Variants in NDUFS4 observed in about 807,000 individuals in gnomAD.
NDUFS4 encodes the protein NADH:ubiquinone oxidoreductase subunit S4.
Under a neutral mutation model 24.3 loss-of-function variants are expected in NDUFS4, and 28 were observed. The ratio of observed to expected loss-of-function variants is 1.15; its 90% CI spans 0.85 to 1.58. NDUFS4 has a LOEUF of 1.58. NDUFS4 is among the 40% of genes most tolerant of loss of function. NDUFS4 has a pLI of 0.00. For missense variants in NDUFS4, 223 were observed against 207.9 expected (o/e 1.07, Z -0.45); for synonymous variants, 93 against 69.7 (o/e 1.34, Z -1.67).
At chr5:53,605,791 G>C (rs1467038165) in intron 2 of NDUFS4, among the ~76,000 whole-genome samples, 1 of 152,052 alleles carries the variant, frequency 6.6e-6, no homozygotes. Context: ...GAGGCGGGCA[G>C]ATCACAAGGT....
intron 1 of NDUFS4, among the ~76,000 whole-genome samples, chr5:53,571,093 A>T (rs950377507): frequency 6.6e-6 from 1 of 152,166 alleles, no homozygotes; most frequent in Non-Finnish European, 1.5e-5. Context: ...AAATTTACTC[A>T]TATAAAGTAT....
intron 1 of NDUFS4, among the ~76,000 whole-genome samples, chr5:53,570,269 T>C (rs897363274): frequency 6.6e-6 from 1 of 152,192 alleles, no homozygotes; most frequent in African/African-American, 2.4e-5. Flanking sequence ...GTAATATAAA[T>C]GTAGTCATAT....
At chr5:53,572,873 C>T (rs537777797) in intron 1 of NDUFS4, among the ~76,000 whole-genome samples, 1 of 151,058 alleles carries the variant, frequency 6.6e-6, no homozygotes, top group Non-Finnish European at 1.5e-5. Flanking sequence ...CTCGAACTCC[C>T]GACCTCGTGA....
chr5:53,653,838 T>C (rs1752087730), intron 3 of NDUFS4, among the ~76,000 whole-genome samples: 1 of 152,200 alleles, frequency 6.6e-6, no homozygotes, highest in Admixed American at 6.5e-5. Context: ...TTTAGTTTTA[T>C]CACTATTTCA....
chr5:53,612,340 G>C (rs1750720249), intron 2 of NDUFS4, among the ~76,000 whole-genome samples: 1 of 151,986 alleles, frequency 6.6e-6, no homozygotes. Context: ...TACAAAGGTA[G>C]TATAGTTAGT....
At chr5:53,682,404 A>G (rs1004044414) in intron 4 of NDUFS4, among the ~76,000 whole-genome samples, 1 of 151,978 alleles carries the variant, frequency 6.6e-6, no homozygotes, top group Non-Finnish European at 1.5e-5. Flanking sequence ...ATCTCCTGGA[A>G]TTGATAAAGT....
At chr5:53,674,118 T>C (rs1300687013) in intron 4 of NDUFS4, among the ~76,000 whole-genome samples, 1 of 152,220 alleles carries the variant, frequency 6.6e-6, no homozygotes, top group Non-Finnish European at 1.5e-5. Flanking sequence ...TACAGGACGC[T>C]TTAGAAATGA....
chr5:53,584,543 T>C (rs945026506), intron 1 of NDUFS4, among the ~76,000 whole-genome samples: 23 of 152,066 alleles, frequency 1.5e-4, no homozygotes, highest in African/African-American at 5.1e-4. Context: ...TTACACCTTG[T>C]TGGCCAGGCT....
intron 1 of NDUFS4, among the ~76,000 whole-genome samples, chr5:53,561,860 T>C (rs1748857059): frequency 6.6e-6 from 1 of 152,144 alleles, no homozygotes; most frequent in African/African-American, 2.4e-5. Context: ...GGTCCGTGGC[T>C]TATGAAAAGG....
chr5:53,577,745 C>T (rs935077354), intron 1 of NDUFS4, among the ~76,000 whole-genome samples: 9 of 152,242 alleles, frequency 5.9e-5, no homozygotes, highest in African/African-American at 2.2e-4. Flanking sequence ...ACTCACTTAA[C>T]TATAAATAAT....
Position 53,560,682 on chromosome 5 carries a change from C to G in NDUFS4, c.20C>G (p.Ser7Ter). 1 of 1,614,272 alleles carries G rather than the reference C, an allele frequency of 6.2e-7. No homozygotes were observed. The highest frequency in any genetic ancestry group is 8.5e-7 in the Non-Finnish European group (1 of 1,180,048). ...AGCAAGATGGCGGCGGTGTCAATGT[C>G]AGTGGTACTGAGGCAGACGTTGTGG... is the stretch of plus-strand genomic sequence containing the variant. Reference protein sequence around the residue: MAAVSMSVVLRQTLWRR... With the variant: MAAVSM The change falls in exon 1 of 5, where the codon TCA becomes TGA. Residue 7 changes from serine (S) to a stop codon, truncating the protein, a stop_gained. Coordinates refer to ENST00000296684, the MANE Select transcript of NDUFS4 (RefSeq NM_002495.4). LOFTEE classifies it high-confidence loss of function.
chr5:53,568,744 G>A (rs1229924657), intron 1 of NDUFS4, among the ~76,000 whole-genome samples: 1 of 152,088 alleles, frequency 6.6e-6, no homozygotes, highest in Non-Finnish European at 1.5e-5. Context: ...GGCTTTTTTA[G>A]GAAGGTGGTC....
chr5:53,678,410 C>G (rs563404504), intron 4 of NDUFS4, among the ~76,000 whole-genome samples: 13 of 152,230 alleles, frequency 8.5e-5, no homozygotes, highest in East Asian at 7.7e-4. Flanking sequence ...TGGCTACTCT[C>G]CTCTAGAAAG....
At chr5:53,595,825 G>A (rs1252286614) in intron 1 of NDUFS4, among the ~76,000 whole-genome samples, 1 of 152,152 alleles carries the variant, frequency 6.6e-6, no homozygotes, top group Non-Finnish European at 1.5e-5. Context: ...ACACACAACT[G>A]CTATTAGTTC....
At chr5:53,646,845 T>A (rs551054956) in intron 3 of NDUFS4, among the ~76,000 whole-genome samples, 9 of 152,308 alleles carry the variant, frequency 5.9e-5, no homozygotes, top group South Asian at 4.1e-4. Flanking sequence ...TACAACTTAT[T>A]GTTAATTTCT....
intron 2 of NDUFS4, among the ~76,000 whole-genome samples, chr5:53,607,974 C>A (rs435713): frequency 0.36 from 54,676 of 151,824 alleles, 10,956 homozygotes; most frequent in African/African-American, 0.55. Context: ...GCTTATTTTA[C>A]ATTAAATTTA....
chr5:53,603,315 C>T, intron 1 of NDUFS4, 137 bp from the exon 2 acceptor site: 1 of 681,802 alleles, frequency 1.5e-6, no homozygotes, highest in Non-Finnish European at 2.5e-6. Flanking sequence ...CTTTTGTGCC[C>T]TCTTCTCTTT....
chr5:53,605,109 T>C (rs1412469656), intron 2 of NDUFS4, among the ~76,000 whole-genome samples: 1 of 152,094 alleles, frequency 6.6e-6, no homozygotes, highest in Non-Finnish European at 1.5e-5. Flanking sequence ...TAATCTCAGC[T>C]ACTCAGGAGG....
chr5:53,613,138 A>G (rs1331617624), intron 2 of NDUFS4, among the ~76,000 whole-genome samples: 3 of 151,704 alleles, frequency 2.0e-5, no homozygotes, highest in East Asian at 1.9e-4. Context: ...TGGTGAGATT[A>G]CTTTCTTTTG....
Sources: gnomAD v4.1 joint callset for allele counts (sites outside exome capture counted in the v4.1 genomes callset) on GRCh38, gnomAD v4.1.1 for gene constraint, MANE v1.5 for transcripts, NCBI Gene and HGNC (gene_info 2026-07-23, HGNC 2026-07-21) for gene names.